Variants in ZFC3H1 observed in about 807,000 individuals in gnomAD.
ZFC3H1 encodes the protein zinc finger C3H1 domain-containing protein.
In ZFC3H1, 71 loss-of-function variants were observed where a neutral mutation model predicts 243.7. That is an observed-to-expected ratio of 0.29 (90% confidence interval 0.24 to 0.36). The LOEUF is 0.36. Ranked by LOEUF, ZFC3H1 falls within the 10% of genes least tolerant of loss-of-function variation. ZFC3H1 has a pLI of 1.00. For missense variants in ZFC3H1, 1,966 were observed against 2,317.1 expected (o/e 0.85, Z 3.11); for synonymous variants, 838 against 813.0 (o/e 1.03, Z -0.52).
At chr12:71,628,565 A>G (rs554150658) in intron 20 of ZFC3H1, among the ~76,000 whole-genome samples, 2 of 152,334 alleles carry the variant, frequency 1.3e-5, no homozygotes, top group Admixed American at 1.3e-4. Context: ...ATGAAGTAAA[A>G]TAGAACACCT....
At position 71,620,203 on chromosome 12, in the gene ZFC3H1, G is replaced by C. The variant is rs1441683781; in HGVS notation, c.4850+7C>G. 1.2e-6 allele frequency: 2 copies of C among 1,613,948 alleles called. No individual in the cohort carries two copies. The highest frequency in any genetic ancestry group is 3.3e-5 in the Admixed American group (2 of 59,986). ...ATAAGGTTAGCTGCTTGGCAATTAA[G>C]TTGTACCTCTCCAGGAGTTGGTGCA... On this transcript the variant is annotated splice_region_variant and intron_variant, in intron 25 of 34. Transcript: ENST00000378743.
At position 71,636,964 on chromosome 12, in the gene ZFC3H1, T is replaced by C. The variant is rs1880478613; in HGVS notation, c.1821A>G (p.Glu607=). 2 of 1,613,936 alleles carry C rather than the reference T, an allele frequency of 1.2e-6. No individual in the cohort carries two copies. Residue 607 remains glutamate, a synonymous_variant, in exon 8 of 35, where the codon GAA becomes GAG. Coordinates refer to ENST00000378743, the MANE Select transcript of ZFC3H1 (RefSeq NM_144982.5). ...PLPPLPPLPP[E]DPEQPPKPPF... ...GTGGTTTTGGAGGCTGTTCTGGATC[T>C]TCAGGTGGGAGAGGTGGTAATGGTG...
Position 71,611,891 on chromosome 12 carries a change from T to C in ZFC3H1, c.5628-4A>G, listed in dbSNP as rs1333181728. Reference sequence around the variant, plus strand: ...TTCCCATTCATGTTGAAGTAACCTGTAAAGTACATTCAGGAAAATGAACAA... The same window carrying C: ...TTCCCATTCATGTTGAAGTAACCTGCAAAGTACATTCAGGAAAATGAACAA... On this transcript the variant is annotated splice_region_variant and splice_polypyrimidine_tract_variant and intron_variant, in intron 31 of 34. Transcript: ENST00000378743. 3 of 1,579,412 alleles carry C rather than the reference T, an allele frequency of 1.9e-6. No homozygotes were observed. The African/African-American group carries it at 4.1e-5, about 21-fold the overall frequency.
rs181693061 is a variant in ZFC3H1 at position 71,622,650 on chromosome 12, A to C, written c.4744+710T>G. Reference sequence around the variant, plus strand: ...GCTAAATTTTGTATTTTTAGTAGAGATAGGGATTCATCATGTTGGCCAGAC... The same window carrying C: ...GCTAAATTTTGTATTTTTAGTAGAGCTAGGGATTCATCATGTTGGCCAGAC... On this transcript the variant is annotated intron_variant, in intron 24 of 34. Coordinates refer to ENST00000378743, the MANE Select transcript of ZFC3H1 (RefSeq NM_144982.5). Among the ~76,000 whole-genome samples, 11 of 152,146 alleles carry C rather than the reference A, an allele frequency of 7.2e-5. No individual in the cohort carries two copies. In the East Asian group the frequency reaches 2.1e-3, roughly 29 times the overall value.
In ZFC3H1 at chr12:71,632,526, A is replaced by T. The variant is rs1283681282; in HGVS notation, c.2818-12T>A. ...ATCATTTTGTTTGGCTAAGGGAGAA[A>T]AATGATACACGTATTTTACATCACT... is the stretch of plus-strand genomic sequence containing the variant. On this transcript the variant is annotated splice_polypyrimidine_tract_variant and intron_variant, in intron 14 of 34. Coordinates refer to ENST00000378743, the MANE Select transcript of ZFC3H1 (RefSeq NM_144982.5). 6.5e-7 allele frequency: 1 copy of T among 1,535,096 alleles called. No individual in the cohort carries two copies. Among genetic ancestry groups the T allele is most frequent in the Non-Finnish European group, 8.7e-7 (1 of 1,154,812 alleles).
chr12:71,644,963 T>C lies in ZFC3H1; in HGVS notation c.1193A>G (p.Lys398Arg). Residue 398 changes from lysine (K) to arginine (R), a missense_variant, in exon 4 of 35, where the codon AAA becomes AGA. By Grantham distance (26) the Lys-to-Arg change is conservative. Around this residue, in one of 4 missense-constraint regions of ZFC3H1, gnomAD observed 91 missense variants for 107.6 expected, o/e 0.85. Coordinates refer to ENST00000378743, the MANE Select transcript of ZFC3H1 (RefSeq NM_144982.5). ...QKEQQVMKES[K>R]EKLTKTKTVQ... The stretch of plus-strand genomic sequence containing the variant: ...AGTTTTCGTCTTAGTCAACTTTTCT[T>C]TGCTTTCTTTCATCACCTGCTGTTC... The C allele has an allele frequency of 6.2e-7, 1 of 1,613,464 alleles. No homozygotes were observed. The highest frequency in any genetic ancestry group is 8.5e-7 in the Non-Finnish European group (1 of 1,180,032).
chr12:71,625,188 A>G (rs1290873473), intron 22 of ZFC3H1, among the ~76,000 whole-genome samples: 1 of 152,204 alleles, frequency 6.6e-6, no homozygotes, highest in Non-Finnish European at 1.5e-5. Flanking sequence ...TAAGAAATAG[A>G]GTAGCAAGTT....
At chr12:71,657,441 C>A in intron 1 of ZFC3H1, 140 bp from the exon 2 acceptor site, 1 of 725,476 alleles carries the variant, frequency 1.4e-6, no homozygotes, top group Non-Finnish European at 2.1e-6. Flanking sequence ...TACTAAATTC[C>A]ATTTAATGTA....
Position 71,656,979 on chromosome 12 carries a change from T to C in ZFC3H1, c.921A>G (p.Lys307=). The C allele has an allele frequency of 6.2e-7, 1 of 1,613,968 alleles. No individual in the cohort carries two copies. Residue 307 remains lysine, a synonymous_variant, in exon 2 of 35, where the codon AAA becomes AAG. Coordinates refer to ENST00000378743, the MANE Select transcript of ZFC3H1 (RefSeq NM_144982.5). ...GGTTCTTATCTCCTGGTAAAGTCAATTTTTGCCTGAGTGGTTTTAATTCAA... is the reference window on the plus strand; with the variant it reads ...GGTTCTTATCTCCTGGTAAAGTCAACTTTTGCCTGAGTGGTTTTAATTCAA... ...QAFELKPLRQ[K]LTLPGDKNRL...
At chr12:71,642,972 TATAA>T (rs1880636352) in intron 5 of ZFC3H1, among the ~76,000 whole-genome samples, 1 of 152,186 alleles carries the variant, frequency 6.6e-6, no homozygotes, top group African/African-American at 2.4e-5. Flanking sequence ...ACATTTTAAT[TATAA>T]ATAAATTAAT....
At chr12:71,648,431 T>G (rs151241072) in intron 2 of ZFC3H1, among the ~76,000 whole-genome samples, 1 of 152,346 alleles carries the variant, frequency 6.6e-6, no homozygotes, top group African/African-American at 2.4e-5. Context: ...CATCACATGA[T>G]AAAGTTACAG....
Position 71,613,417 on chromosome 12 carries a change from T to C in ZFC3H1, c.5545A>G (p.Ser1849Gly). ...FHNRVIFFYLSCVPKTQHSKT... is the reference protein window; with the variant it reads ...FHNRVIFFYLGCVPKTQHSKT... Reference sequence around the variant, plus strand: ...GAATGCTGGGTCTTTGGAACACAGCTCAAATAAAAGAAAATAACCTGTAAA... The same window carrying C: ...GAATGCTGGGTCTTTGGAACACAGCCCAAATAAAAGAAAATAACCTGTAAA... The change falls in exon 31 of 35, where the codon AGC (serine) becomes GGC (glycine). Residue 1849 changes from serine (S) to glycine (G), a missense_variant. Coordinates refer to ENST00000378743, the MANE Select transcript of ZFC3H1 (RefSeq NM_144982.5). 1 of 1,607,540 alleles carries C rather than the reference T, an allele frequency of 6.2e-7. No homozygotes were observed. Among genetic ancestry groups the C allele is most frequent in the Non-Finnish European group, 8.5e-7 (1 of 1,176,102 alleles).
chr12:71,635,513 G>C lies in ZFC3H1; in HGVS notation c.2168C>G (p.Ala723Gly). ...DSDDSESDGEASKSTNSVFGG... is the reference protein window; with the variant it reads ...DSDDSESDGEGSKSTNSVFGG... Reference sequence around the variant, plus strand: ...AAAAACACTATTTGTTGACTTGGAAGCCTCTCCATCAGATTCACTATCATC... The same window carrying C: ...AAAAACACTATTTGTTGACTTGGAACCCTCTCCATCAGATTCACTATCATC... The change falls in exon 10 of 35, where the codon GCT (alanine) becomes GGT (glycine). Residue 723 changes from alanine to glycine, a missense_variant. By Grantham distance (60) the Ala-to-Gly change is moderately conservative. Around this residue, in one of 4 missense-constraint regions of ZFC3H1, gnomAD observed 1,383 missense variants for 1,723.7 expected, o/e 0.80. Coordinates refer to ENST00000378743, the MANE Select transcript of ZFC3H1 (RefSeq NM_144982.5). 6.4e-7 allele frequency: 1 copy of C among 1,568,560 alleles called. No individual in the cohort carries two copies. Among genetic ancestry groups the C allele is most frequent in the Non-Finnish European group, 8.6e-7 (1 of 1,164,634 alleles).
chr12:71,625,072 A>C (rs2137526692), intron 22 of ZFC3H1, among the ~76,000 whole-genome samples: 1 of 152,350 alleles, frequency 6.6e-6, no homozygotes, highest in East Asian at 1.9e-4. Flanking sequence ...ACACCCTATA[A>C]AATCTTGTAG....
At chr12:71,621,764 T>C (rs2137522670) in intron 24 of ZFC3H1, among the ~76,000 whole-genome samples, 1 of 152,264 alleles carries the variant, frequency 6.6e-6, no homozygotes, top group Non-Finnish European at 1.5e-5. Context: ...CCCTGAAATC[T>C]TTGTTTACTC....
intron 1 of ZFC3H1, among the ~76,000 whole-genome samples, chr12:71,660,936 G>C (rs1881153621): frequency 1.3e-5 from 2 of 151,400 alleles, no homozygotes; most frequent in African/African-American, 4.9e-5. Context: ...AACATAGCAA[G>C]ACTTCGTCTC....
intron 23 of ZFC3H1, 60 bp downstream of exon 23, chr12:71,624,044 G>A (rs1488299842): frequency 6.1e-6 from 9 of 1,476,766 alleles, no homozygotes; most frequent in African/African-American, 1.4e-5. Flanking sequence ...TATGGATAAC[G>A]GTGTAGACCT....
At chr12:71,634,325 A>G in intron 11 of ZFC3H1, 21 bp from the exon 12 acceptor site, 1 of 1,610,934 alleles carries the variant, frequency 6.2e-7, no homozygotes, top group Non-Finnish European at 8.5e-7. Flanking sequence ...CAAAAAGGAT[A>G]TATGCATTAC....
chr12:71,658,944 T>C (rs900488643), intron 1 of ZFC3H1, among the ~76,000 whole-genome samples: 2 of 152,202 alleles, frequency 1.3e-5, no homozygotes, highest in Non-Finnish European at 2.9e-5. Flanking sequence ...ATCAATGTTT[T>C]CAAACTTTAT....
Sources: gnomAD v4.1 joint callset for allele counts (sites outside exome capture counted in the v4.1 genomes callset) on GRCh38, gnomAD v4.1.1 for gene constraint, gnomAD v4.1.1 regional missense constraint, MANE v1.5 for transcripts, NCBI Gene and HGNC (gene_info 2026-07-23, HGNC 2026-07-21) for gene names.